NFKBIB: variants seen among roughly 807,000 people sequenced by gnomAD.
NFKBIB encodes NF-kappa-B inhibitor beta.
A neutral mutation model predicts 32.1 loss-of-function variants in NFKBIB; 16 were observed. That is an observed-to-expected ratio of 0.50 (90% CI 0.34 to 0.76). NFKBIB has a LOEUF of 0.76. Among genes scored for constraint, NFKBIB ranks in the 30% least tolerant of loss-of-function variants. The pLI is 0.01. For synonymous variants in NFKBIB, 222 were observed against 219.5 expected, an observed-to-expected ratio of 1.01 and a Z score of -0.10; for missense variants, 437 against 514.9, an observed-to-expected ratio of 0.85 and a Z score of 1.46.
In NFKBIB at chr19:38,899,997, G is replaced by C; in HGVS notation, c.-36G>C. ...CTCCCGGCAAAGCCCAGCTACAGGC[G>C]GGCGACTGCGGGGGGCCCCTGAGGC... On this transcript the variant is annotated 5_prime_UTR_variant, in exon 1 of 6. Transcript: ENST00000313582. The C allele has an allele frequency of 6.9e-7, 1 of 1,442,180 alleles. No individual in the cohort carries two copies. The allele number at this position is 1,442,180 out of a possible 1,614,324, so 89.3% of individuals were successfully genotyped here.
At chr19:38,900,905 C>T (rs2144720604) in intron 1 of NFKBIB, among the ~76,000 whole-genome samples, 1 of 151,650 alleles carries the variant, frequency 6.6e-6, no homozygotes, top group Non-Finnish European at 1.5e-5. Flanking sequence ...ATTGATAAGA[C>T]CACAAGGAAG....
Position 38,905,417 on chromosome 19 carries a change from C to T in NFKBIB, c.501C>T (p.Asp167=). The part of the protein sequence containing the change: ...APDTYLAQGP[D]RTPDTNHTPV... ...ACACCTACCTCGCTCAGGGCCCTGA[C>T]CGTACTCCCGACACCAACCATACCC... Residue 167 remains aspartate, a synonymous_variant, in exon 3 of 6, where the codon GAC becomes GAT. Transcript: ENST00000313582. The surrounding 1 kb of genome is among the most constrained non-coding windows in gnomAD (Gnocchi z 5.5). The T allele has an allele frequency of 6.2e-7, 1 of 1,613,822 alleles. No homozygotes were observed. Among genetic ancestry groups the T allele is most frequent in the African/African-American group, 1.3e-5 (1 of 75,016 alleles).
In NFKBIB at chr19:38,908,107, T is replaced by G. The variant is rs549303919; in HGVS notation, c.969+448T>G. The G allele has an allele frequency of 2.3e-5, 23 of 1,014,650 alleles. No individual in the cohort carries two copies. In the African/African-American group the frequency reaches 3.8e-4, roughly 17 times the overall value. 62.9% of individuals were successfully genotyped at this position (1,014,650 alleles called of 1,614,324 possible). A position where few individuals can be genotyped will look rare whatever the true frequency, so the allele number is the denominator to read the frequency against. Reference sequence around the variant, plus strand: ...AGAACCCAGCAATACAGATCCGTCCTTGGGCAAGGCGCGGTGCTGGATGAT... The same window carrying G: ...AGAACCCAGCAATACAGATCCGTCCGTGGGCAAGGCGCGGTGCTGGATGAT... On this transcript the variant is annotated intron_variant, in intron 5 of 5. Transcript: ENST00000313582.
intron 1 of NFKBIB, 29 bp from the exon 2 acceptor site, chr19:38,904,986 T>C (rs1974069873): frequency 6.2e-7 from 1 of 1,600,422 alleles, no homozygotes; most frequent in South Asian, 1.1e-5. Context: ...ACTTGAACTT[T>C]GCCCTCTCAC....
At chr19:38,908,568 GA>G in intron 5 of NFKBIB, 162 bp from the exon 6 acceptor site, 1 of 1,214,904 alleles carries the variant, frequency 8.2e-7, no homozygotes, top group Non-Finnish European at 1.0e-6. Flanking sequence ...AGAAAGAAAA[GA>G]AAATGGAGTT....
intron 1 of NFKBIB, 91 bp from the exon 2 acceptor site, chr19:38,904,924 G>A: frequency 8.2e-7 from 1 of 1,216,906 alleles, no homozygotes; most frequent in Non-Finnish European, 1.2e-6. Flanking sequence ...TGGTCACAAG[G>A]CCTAGCATAC....
upstream of NFKBIB, chr19:38,899,718 A>C: frequency 1.2e-6 from 1 of 816,086 alleles, no homozygotes; most frequent in South Asian, 1.5e-5. Context: ...CTTTCGTACA[A>C]CACCCAGAGC....
chr19:38,908,634 A>T, intron 5 of NFKBIB, 97 bp from the exon 6 acceptor site: 1 of 1,434,822 alleles, frequency 7.0e-7, no homozygotes, highest in Non-Finnish European at 9.1e-7. Flanking sequence ...TTGGGCTTTG[A>T]GGCGAGACCT....
At chr19:38,899,713 G>A (rs1973872672), upstream of NFKBIB, 5 of 840,052 alleles carry the variant, frequency 6.0e-6, no homozygotes, top group South Asian at 5.9e-5. Context: ...ACGCGCTTTC[G>A]TACAACACCC....
In NFKBIB at chr19:38,900,044, C is replaced by T; in HGVS notation, c.12C>T (p.Val4=). MAG[V]ACLGKAADAD... is the part of the protein sequence containing the mutation. ...AGGCGGCGGGGGCCATGGCTGGGGT[C>T]GCGTGCTTGGGAAAAGCTGCCGACG... The change falls in exon 1 of 6, where the codon GTC becomes GTT. Residue 4 remains valine, a synonymous_variant. Transcript: ENST00000313582. 2 of 1,484,726 alleles carry T rather than the reference C, an allele frequency of 1.3e-6. No individual in the cohort carries two copies. The highest frequency in any genetic ancestry group is 1.8e-6 in the Non-Finnish European group (2 of 1,119,380). 92.0% of individuals were successfully genotyped at this position (1,484,726 alleles called of 1,614,324 possible). A position where few individuals can be genotyped will look rare whatever the true frequency, so the allele number is the denominator to read the frequency against.
intron 1 of NFKBIB, 107 bp downstream of exon 1, chr19:38,900,318 T>G: frequency 7.9e-7 from 1 of 1,266,082 alleles, no homozygotes; most frequent in Non-Finnish European, 1.0e-6. Flanking sequence ...AAATCTGACT[T>G]CCGATGCTGA....
chr19:38,905,715 T>C lies in NFKBIB; in HGVS notation c.619+180T>C, dbSNP rs1350425995. On this transcript the variant is annotated intron_variant, in intron 3 of 5. Transcript: ENST00000313582. The surrounding 1 kb of genome is among the most constrained non-coding windows in gnomAD (Gnocchi z 5.5). ...CCCAGATGATTGAGAATTGGATATG[T>C]AGGACCCAGGACCCCCACCTGGAGG... Among the ~76,000 whole-genome samples the C allele has an allele frequency of 2.0e-5, 3 of 152,074 alleles. No individual in the cohort carries two copies. Among genetic ancestry groups the C allele is most frequent in the Admixed American group, 2.0e-4 (3 of 15,260 alleles).
At position 38,907,473 on chromosome 19, in the gene NFKBIB, G is replaced by A. The variant is rs749148012; in HGVS notation, c.783G>A (p.Leu261=). The A allele has an allele frequency of 1.4e-5, 22 of 1,610,954 alleles. No homozygotes were observed. Among genetic ancestry groups the A allele is most frequent in the Non-Finnish European group, 1.8e-5 (21 of 1,178,646 alleles). The part of the protein sequence containing the change: ...AQAADVLELL[L]RAGANPAARM... The stretch of plus-strand genomic sequence containing the variant: ...CAGCCGATGTGCTGGAGCTTCTCCT[G>A]AGGGCAGGCGCGAACCCTGCTGCCC... Residue 261 remains leucine, a synonymous_variant, in exon 5 of 6, where the codon CTG becomes CTA. Coordinates refer to ENST00000313582, the MANE Select transcript of NFKBIB (RefSeq NM_002503.5).
rs1330217659 is a variant in NFKBIB, at chr19:38,907,539, C to G, written c.849C>G (p.Leu283=). Residue 283 remains leucine, a synonymous_variant, in exon 5 of 6, where the codon CTC becomes CTG. Coordinates refer to ENST00000313582, the MANE Select transcript of NFKBIB (RefSeq NM_002503.5). ...GGRTPLGSAM[L]RPNPILARLL... is the part of the protein sequence containing the mutation. ...GCACCCCACTCGGCAGTGCCATGCT[C>G]CGGCCCAACCCCATCCTCGCCCGCC... The G allele has an allele frequency of 6.2e-7, 1 of 1,612,588 alleles. No homozygotes were observed. Among genetic ancestry groups the G allele is most frequent in the East Asian group, 2.2e-5 (1 of 44,876 alleles).
chr19:38,906,131 CTTT>C (rs11300670), intron 3 of NFKBIB, among the ~76,000 whole-genome samples: 3 of 97,372 alleles, frequency 3.1e-5, no homozygotes, highest in Non-Finnish European at 3.9e-5. Context: ...TACTTGGTAC[CTTT>C]TTTTTTTTTT....
Position 38,907,541 on chromosome 19 carries a change from G to A in NFKBIB, c.851G>A (p.Arg284Gln), listed in dbSNP as rs754807268. 15 of 1,612,406 alleles carry A rather than the reference G, an allele frequency of 9.3e-6. No individual in the cohort carries two copies. Among genetic ancestry groups the A allele is most frequent in the African/African-American group, 6.7e-5 (5 of 74,914 alleles). The change falls in exon 5 of 6, where the codon CGG (arginine) becomes CAG (glutamine). Residue 284 changes from arginine (R) to glutamine (Q), a missense_variant. Transcript: ENST00000313582. Reference sequence around the variant, plus strand: ...ACCCCACTCGGCAGTGCCATGCTCCGGCCCAACCCCATCCTCGCCCGCCTC... The same window carrying A: ...ACCCCACTCGGCAGTGCCATGCTCCAGCCCAACCCCATCCTCGCCCGCCTC... ...GRTPLGSAML[R>Q]PNPILARLLR...
Position 38,905,720 on chromosome 19 carries a change from C to T in NFKBIB, c.619+185C>T, listed in dbSNP as rs1003954190. ...ATGATTGAGAATTGGATATGTAGGA[C>T]CCAGGACCCCCACCTGGAGGCCCCA... On this transcript the variant is annotated intron_variant, in intron 3 of 5. Transcript: ENST00000313582. The surrounding 1 kb of genome is among the most constrained non-coding windows in gnomAD (Gnocchi z 5.5). Among the ~76,000 whole-genome samples the T allele has an allele frequency of 1.3e-5, 2 of 152,264 alleles. No homozygotes were observed. The highest frequency in any genetic ancestry group is 4.1e-4 in the South Asian group (2 of 4,830).
chr19:38,908,145 A>C, intron 5 of NFKBIB: 1 of 998,406 alleles, frequency 1.0e-6, no homozygotes, highest in African/African-American at 1.7e-5. Flanking sequence ...GTGCGGAGGA[A>C]TTTGGGTAAA....
chr19:38,906,865 A>G (rs1259724923), intron 3 of NFKBIB, among the ~76,000 whole-genome samples: 11 of 152,154 alleles, frequency 7.2e-5, no homozygotes, highest in Non-Finnish European at 5.9e-5. Flanking sequence ...GGCCTCCCAA[A>G]GTGCTGGGAT....
Sources: gnomAD v4.1 joint callset for allele counts (sites outside exome capture counted in the v4.1 genomes callset) on GRCh38, gnomAD v4.1.1 for gene constraint, Gnocchi (gnomAD v3.1) non-coding constraint, MANE v1.5 for transcripts, NCBI Gene and HGNC (gene_info 2026-07-23, HGNC 2026-07-21) for gene names.